STOX2: variants seen among roughly 807,000 people sequenced by gnomAD.
STOX2 encodes the protein storkhead-box protein 2.
STOX2 carries 28 observed loss-of-function variants against 60.9 expected under a neutral mutation model. The observed-to-expected ratio is 0.46, with a 90% CI of 0.34 to 0.63. STOX2 has a LOEUF of 0.63. Among genes scored for constraint, STOX2 ranks in the 30% least tolerant of loss-of-function variants. The pLI, the probability that STOX2 is intolerant of heterozygous loss-of-function variation, is 0.01. For missense variants in STOX2, 1,024 were observed against 1,187.7 expected, an observed-to-expected ratio of 0.86 and a Z score of 2.03; for synonymous variants, 472 against 463.9, an observed-to-expected ratio of 1.02 and a Z score of -0.22.
chr4:183,956,977 A>C (rs1743267894), intron 1 of STOX2, among the ~76,000 whole-genome samples: 2 of 123,154 alleles, frequency 1.6e-5, no homozygotes, highest in Non-Finnish European at 3.2e-5. Flanking sequence ...TGTTCTGGAC[A>C]CAGGAAGGGG....
intron 1 of STOX2, among the ~76,000 whole-genome samples, chr4:183,985,135 C>T (rs1004358462): frequency 1.4e-4 from 21 of 152,084 alleles, no homozygotes; most frequent in African/African-American, 4.6e-4. Context: ...GCAACTTCTA[C>T]GGGAGACCCC....
At chr4:183,911,385 G>A (rs776524835) in intron 1 of STOX2, among the ~76,000 whole-genome samples, 3 of 152,136 alleles carry the variant, frequency 2.0e-5, no homozygotes, top group African/African-American at 4.8e-5. Context: ...GTCCTGTCAC[G>A]TCCCTTTCCC....
chr4:183,975,066 G>A (rs1186587393), intron 1 of STOX2, among the ~76,000 whole-genome samples: 1 of 151,966 alleles, frequency 6.6e-6, no homozygotes. Context: ...TAAATACTAG[G>A]AAATTAAACA....
rs576745192 is a variant in STOX2, at chr4:183,924,043, A to T, written c.166+17087A>T. ...TTTGTAGCTTGGGATGGGGTCCAGAACTTTATATTTTCAAAGCTCTCGAGG... is the reference window on the plus strand; with the variant it reads ...TTTGTAGCTTGGGATGGGGTCCAGATCTTTATATTTTCAAAGCTCTCGAGG... On this transcript the variant is annotated intron_variant, in intron 1 of 3. Coordinates refer to ENST00000308497, the MANE Select transcript of STOX2 (RefSeq NM_020225.3). Among the ~76,000 whole-genome samples, 4 of 152,272 alleles carry T rather than the reference A, an allele frequency of 2.6e-5. No homozygotes were observed. In the South Asian group the frequency reaches 6.2e-4, roughly 24 times the overall value.
intron 1 of STOX2, among the ~76,000 whole-genome samples, chr4:183,835,459 C>T (rs1029321880): frequency 8.5e-5 from 13 of 152,124 alleles, no homozygotes; most frequent in South Asian, 2.1e-4. Flanking sequence ...CTCCTGACCT[C>T]GTGATCCACC....
chr4:183,881,782 A>G (rs976938462), intron 1 of STOX2, among the ~76,000 whole-genome samples: 20 of 152,212 alleles, frequency 1.3e-4, no homozygotes, highest in Non-Finnish European at 2.5e-4. Flanking sequence ...TAGACTTTTC[A>G]TCTGATTTCA....
At chr4:183,958,035 C>G (rs970676307) in intron 1 of STOX2, among the ~76,000 whole-genome samples, 1 of 150,960 alleles carries the variant, frequency 6.6e-6, no homozygotes, top group Non-Finnish European at 1.5e-5. Context: ...AATGAGGCAC[C>G]CTGGTTTCTT....
chr4:183,894,463 A>G (rs1408813071), intron 1 of STOX2, among the ~76,000 whole-genome samples: 1 of 152,154 alleles, frequency 6.6e-6, no homozygotes, highest in Non-Finnish European at 1.5e-5. Context: ...GTTATTAGTA[A>G]TTATTAAATG....
intron 1 of STOX2, among the ~76,000 whole-genome samples, chr4:183,977,655 G>C (rs1318898794): frequency 6.6e-6 from 1 of 151,884 alleles, no homozygotes; most frequent in Non-Finnish European, 1.5e-5. Flanking sequence ...AAACATACAA[G>C]TGCAGGTGTC....
At chr4:183,982,286 A>G (rs1732682377) in intron 1 of STOX2, among the ~76,000 whole-genome samples, 1 of 152,246 alleles carries the variant, frequency 6.6e-6, no homozygotes, top group Admixed American at 6.5e-5. Flanking sequence ...TCATGTTCAT[A>G]GTGTTGCTCT....
upstream of STOX2, among the ~76,000 whole-genome samples, chr4:183,900,795 C>T (rs1215168710): frequency 6.6e-6 from 1 of 152,154 alleles, no homozygotes; most frequent in African/African-American, 2.4e-5. Flanking sequence ...TACTTAGAAA[C>T]ATCTTTAAAT....
intron 1 of STOX2, among the ~76,000 whole-genome samples, chr4:183,983,930 C>G (rs1354408436): frequency 6.6e-6 from 1 of 152,174 alleles, no homozygotes; most frequent in Non-Finnish European, 1.5e-5. Flanking sequence ...AGGCATGAGC[C>G]ACCGTGCGCC....
chr4:183,827,204 A>G (rs781476330), intron 1 of STOX2, among the ~76,000 whole-genome samples: 1 of 152,226 alleles, frequency 6.6e-6, no homozygotes, highest in Non-Finnish European at 1.5e-5. Flanking sequence ...AGTCATTTAT[A>G]GAAATGGAAT....
chr4:183,838,528 A>C (rs2111128027), intron 1 of STOX2, among the ~76,000 whole-genome samples: 1 of 152,322 alleles, frequency 6.6e-6, no homozygotes, highest in African/African-American at 2.4e-5. Flanking sequence ...TAAATCTGTT[A>C]TTTACATAAA....
intron 1 of STOX2, among the ~76,000 whole-genome samples, chr4:183,961,893 A>C (rs1743424324): frequency 6.6e-6 from 1 of 152,262 alleles, no homozygotes; most frequent in East Asian, 1.9e-4. Flanking sequence ...ATCTCCTGGC[A>C]CAAATGCCAA....
chr4:183,937,575 A>G (rs13125943), intron 1 of STOX2, among the ~76,000 whole-genome samples: 103,370 of 152,066 alleles, frequency 0.68, 35,395 homozygotes, highest in Non-Finnish European at 0.73. Context: ...TGAAACACCA[A>G]TAGCAGTTTG....
In STOX2 at chr4:183,955,937, G is replaced by C. The variant is rs1579465417; in HGVS notation, c.167-45388G>C. ...CCCTGGAAGAGTCTACCAGGCTCCA[G>C]AGTGTGACAGCAGTCCAGAGGGAGA... On this transcript the variant is annotated intron_variant, in intron 1 of 3. Transcript: ENST00000308497. 2.7e-5 allele frequency among the ~76,000 whole-genome samples: 4 copies of C among 150,200 alleles called. No individual in the cohort carries two copies. In the South Asian group the frequency reaches 8.4e-4, roughly 31 times the overall value.
chr4:183,865,893 T>G lies in STOX2; in HGVS notation c.364+67838T>G, dbSNP rs140374104. Among the ~76,000 whole-genome samples, 27 of 152,252 alleles carry G rather than the reference T, an allele frequency of 1.8e-4. No homozygotes were observed. In the East Asian group the frequency reaches 3.7e-3, roughly 21 times the overall value. On this transcript the variant is annotated intron_variant, in intron 1 of 2. Coordinates refer to the STOX2 transcript ENST00000513034. The surrounding 1 kb of genome is among the most constrained non-coding windows in gnomAD (Gnocchi z 4.1). ...TAACCACTTAGGCATTGTGAGTCCATTAAAACAACGTTTAAGCTGATGAGT... is the reference window on the plus strand; with the variant it reads ...TAACCACTTAGGCATTGTGAGTCCAGTAAAACAACGTTTAAGCTGATGAGT...
intron 1 of STOX2, among the ~76,000 whole-genome samples, chr4:183,861,653 A>C (rs114683947): frequency 1.1e-3 from 171 of 152,184 alleles, no homozygotes; most frequent in Non-Finnish European, 2.3e-3. Context: ...TCATCTGTAA[A>C]ATGGGTTGTG....
Sources: gnomAD v4.1 joint callset for allele counts (sites outside exome capture counted in the v4.1 genomes callset) on GRCh38, gnomAD v4.1.1 for gene constraint, Gnocchi (gnomAD v3.1) non-coding constraint, MANE v1.5 for transcripts, NCBI Gene and HGNC (gene_info 2026-07-23, HGNC 2026-07-21) for gene names.